Variants in FHAD1 observed in about 807,000 individuals in gnomAD.
FHAD1 encodes forkhead associated phosphopeptide binding domain 1, also known as forkhead-associated domain-containing protein 1.
FHAD1 carries 146 observed loss-of-function variants against 191.3 expected under a neutral mutation model. The observed-to-expected ratio is 0.76, with a 90% confidence interval of 0.67 to 0.88. The LOEUF (loss-of-function observed/expected upper bound fraction) is 0.88, where lower values mean the gene tolerates loss of function less well. Among genes scored for constraint, FHAD1 ranks in the 40% least tolerant of loss-of-function variants. The pLI is 0.00. For missense variants in FHAD1, 1,635 were observed against 1,785.8 expected (o/e 0.92, Z 1.52); for synonymous variants, 616 against 672.3 (o/e 0.92, Z 1.29).
In FHAD1 at chr1:15,327,380, T is replaced by C. The variant is rs1046775417; in HGVS notation, c.1557+238T>C. ...GAAAATCAAATTAAACCATTCGGGC[T>C]TACTTCTGGTCTCCAGACATGCATG... On this transcript the variant is annotated intron_variant, in intron 12 of 33. Coordinates refer to ENST00000688493, the MANE Select transcript of FHAD1 (RefSeq NM_001391957.1). This position sits in a 1 kb window ranked among gnomAD's most constrained non-coding sequence, Gnocchi z 5.1. The C allele has an allele frequency of 2.2e-6, 1 of 453,582 alleles. No homozygotes were observed. Among genetic ancestry groups the C allele is most frequent in the African/African-American group, 2.0e-5 (1 of 49,784 alleles). The allele number at this position is 453,582 out of a possible 1,614,324, so 28.1% of individuals were successfully genotyped here.
chr1:15,354,612 G>A (rs1009239920), intron 20 of FHAD1, among the ~76,000 whole-genome samples: 2 of 152,102 alleles, frequency 1.3e-5, no homozygotes, highest in African/African-American at 4.8e-5. Context: ...TAGGCAAAAA[G>A]GAGAGGTTAA....
intron 3 of FHAD1, among the ~76,000 whole-genome samples, chr1:15,272,921 G>A (rs1352217004): frequency 6.6e-6 from 1 of 152,158 alleles, no homozygotes; most frequent in East Asian, 1.9e-4. Context: ...CATATGCCCA[G>A]GTCTCTGCCT....
Position 15,283,264 on chromosome 1 carries a change from C to T in FHAD1, c.301-6135C>T, listed in dbSNP as rs1029572891. ...GTCTTATGAAAAGCTGCTTCCACTG[C>T]GGCCCTGTTTTAGCTGGTCCTCAAT... On this transcript the variant is annotated intron_variant, in intron 3 of 33. Coordinates refer to ENST00000688493, the MANE Select transcript of FHAD1 (RefSeq NM_001391957.1). Among the ~76,000 whole-genome samples, 30 of 152,164 alleles carry T rather than the reference C, an allele frequency of 2.0e-4. 1 individual carries two copies. The South Asian group carries it at 2.3e-3, about 12-fold the overall frequency.
rs1257662977 is a variant in FHAD1, at chr1:15,366,179, A to C, written c.3154+246A>C. 3.4e-5 allele frequency among the ~76,000 whole-genome samples: 5 copies of C among 149,002 alleles called. No homozygotes were observed. The South Asian group carries it at 8.6e-4, about 26-fold the overall frequency. ...TGGGCACCTGTAATCCCAGCTACTC[A>C]GGAGGCTGAGGCAGAGGATTGCTTG... is the stretch of plus-strand genomic sequence containing the variant. On this transcript the variant is annotated intron_variant, in intron 24 of 33. Coordinates refer to ENST00000688493, the MANE Select transcript of FHAD1 (RefSeq NM_001391957.1).
At chr1:15,296,943 T>C (rs547178073) in intron 5 of FHAD1, 150 bp downstream of exon 5, 22 of 626,668 alleles carry the variant, frequency 3.5e-5, no homozygotes, top group Non-Finnish European at 5.8e-5. Flanking sequence ...ACCAAATGTT[T>C]TATTCTAAAT....
rs996987327 is a variant in FHAD1 at position 15,316,378 on chromosome 1, T to C, written c.1171T>C (p.Cys391Arg). ...TTCTGTGTTGCCCTTTTCTCCACAG[T>C]GCTCGGTGCTAAAGGAAGAGTTAAA... ...DHQLEALGSR[C>R]SVLKEELKQE... The change falls in exon 9 of 34, where the codon TGC becomes CGC. Residue 391 changes from cysteine (C) to arginine (R), a missense_variant and splice_region_variant. Physicochemically the swap from Cys to Arg is radical, Grantham distance 180. Transcript: ENST00000688493. The surrounding 1 kb of genome is among the most constrained non-coding windows in gnomAD (Gnocchi z 4.3). The C allele has an allele frequency of 9.7e-6, 15 of 1,551,622 alleles. No homozygotes were observed. The highest frequency in any genetic ancestry group is 1.2e-5 in the Non-Finnish European group (14 of 1,146,976).
chr1:15,242,935 C>G (rs1046353234), upstream of FHAD1, among the ~76,000 whole-genome samples: 2 of 152,126 alleles, frequency 1.3e-5, no homozygotes, highest in Non-Finnish European at 2.9e-5. Context: ...TTGTTGTATA[C>G]CCATTTTACA....
intron 23 of FHAD1, among the ~76,000 whole-genome samples, chr1:15,365,095 C>G (rs924771718): frequency 7.2e-5 from 11 of 152,340 alleles, no homozygotes; most frequent in Admixed American, 3.9e-4. Flanking sequence ...ACCAGGAATT[C>G]AAAGGGGCTG....
intron 20 of FHAD1, among the ~76,000 whole-genome samples, chr1:15,353,704 C>CAAAAAAAAAAA (rs60518389): frequency 9.8e-5 from 6 of 60,982 alleles, no homozygotes; most frequent in South Asian, 7.5e-4. Context: ...GACTCCATCT[C>CAAAAAAAAAAA]AAAAAAAAAA....
rs543103665 is a variant in FHAD1 at position 15,367,681 on chromosome 1, G to T, written c.3314+59G>T. On this transcript the variant is annotated intron_variant, in intron 25 of 33. Transcript: ENST00000688493. ...TTTGCCTGCCGTGGGGAGCCGCTGAGTATTGCAGAGAGAGGGCTCAGTACA... is the reference window on the plus strand; with the variant it reads ...TTTGCCTGCCGTGGGGAGCCGCTGATTATTGCAGAGAGAGGGCTCAGTACA... 1.6e-5 allele frequency: 22 copies of T among 1,403,356 alleles called. No homozygotes were observed. The East Asian group carries it at 2.7e-4, about 17-fold the overall frequency. The allele number at this position is 1,403,356 out of a possible 1,614,324, so 86.9% of individuals were successfully genotyped here.
intron 6 of FHAD1, among the ~76,000 whole-genome samples, chr1:15,307,599 G>A (rs1670899367): frequency 6.6e-6 from 1 of 152,168 alleles, no homozygotes; most frequent in Admixed American, 6.5e-5. Flanking sequence ...CTAGTTACAG[G>A]GAATAAGTCT....
At chr1:15,277,739 A>G (rs1335994699) in intron 3 of FHAD1, among the ~76,000 whole-genome samples, 1 of 152,200 alleles carries the variant, frequency 6.6e-6, no homozygotes, top group Non-Finnish European at 1.5e-5. Context: ...AGTTTCAGAT[A>G]GGGGCTTCCT....
intron 19 of FHAD1, among the ~76,000 whole-genome samples, chr1:15,352,448 G>A (rs1691218750): frequency 6.6e-6 from 1 of 152,118 alleles, no homozygotes; most frequent in Admixed American, 6.5e-5. Context: ...TGGAGCCATT[G>A]GCATGGGTCT....
chr1:15,345,271 G>A (rs552431831), intron 17 of FHAD1, 81 bp downstream of exon 17: 93 of 1,384,430 alleles, frequency 6.7e-5, no homozygotes, highest in African/African-American at 5.3e-4. Flanking sequence ...GTCTGGGCCC[G>A]CCGGCTCTGA....
intron 3 of FHAD1, among the ~76,000 whole-genome samples, 184 bp downstream of exon 3, chr1:15,272,713 G>C (rs149359264): frequency 6.1e-4 from 93 of 152,326 alleles, no homozygotes; most frequent in African/African-American, 2.2e-3. Context: ...CCAGGAAGGA[G>C]AGAATCTTAG....
At position 15,251,768 on chromosome 1, in the gene FHAD1, T is replaced by C; in HGVS notation, c.-14-3T>C. The C allele has an allele frequency of 1.9e-6, 3 of 1,543,186 alleles. No homozygotes were observed. Among genetic ancestry groups the C allele is most frequent in the Non-Finnish European group, 2.6e-6 (3 of 1,144,334 alleles). On this transcript the variant is annotated splice_region_variant and splice_polypyrimidine_tract_variant and intron_variant, in intron 1 of 33. Coordinates refer to ENST00000688493, the MANE Select transcript of FHAD1 (RefSeq NM_001391957.1). ...CAAAATTCTTTCTGAAAACCTTATG[T>C]AGGGAAAACAGAGAGGATGAAGGCC...
downstream of FHAD1, among the ~76,000 whole-genome samples, chr1:15,400,611 G>A (rs1168312003): frequency 6.6e-6 from 1 of 152,214 alleles, no homozygotes; most frequent in Non-Finnish European, 1.5e-5. Flanking sequence ...TAGAGGTAGA[G>A]GCCAAAGGTG....
chr1:15,251,839 A>C lies in FHAD1; in HGVS notation c.55A>C (p.Thr19Pro). The change falls in exon 2 of 34, where the codon ACA (threonine) becomes CCA (proline). Residue 19 changes from threonine to proline, a missense_variant. By Grantham distance (38) the Thr-to-Pro change is conservative. Coordinates refer to ENST00000688493, the MANE Select transcript of FHAD1 (RefSeq NM_001391957.1). ...EGFFVLNKST[T>P]IGRHENSDLV... ...CTTTTTTGTCCTAAATAAAAGTACC[A>C]CAATTGGAAGGCATGAAAATTCAGA... 6.4e-7 allele frequency: 1 copy of C among 1,552,372 alleles called. No homozygotes were observed. The highest frequency in any genetic ancestry group is 8.7e-7 in the Non-Finnish European group (1 of 1,147,140).
rs1188007597 is a variant in FHAD1, at chr1:15,383,058, C to T, written c.4188+865C>T. On this transcript the variant is annotated intron_variant, in intron 31 of 33. Coordinates refer to ENST00000688493, the MANE Select transcript of FHAD1 (RefSeq NM_001391957.1). ...CTGGTATCTCATCTGTAGCATGGTA[C>T]AGGAGTCAGCCGGTCCTGGGCTCAA... 6 of 418,254 alleles carry T rather than the reference C, an allele frequency of 1.4e-5. No individual in the cohort carries two copies. The East Asian group carries it at 3.5e-4, about 24-fold the overall frequency. 25.9% of individuals were successfully genotyped at this position (418,254 alleles called of 1,614,324 possible).
Sources: allele counts gnomAD v4.1 joint callset (sites outside exome capture counted in the v4.1 genomes callset), GRCh38; gene constraint gnomAD v4.1.1; non-coding constraint Gnocchi (gnomAD v3.1); transcripts MANE v1.5; gene names NCBI Gene and HGNC (gene_info 2026-07-23, HGNC 2026-07-21).